DCAF6: variants seen among roughly 807,000 people sequenced by gnomAD.
DCAF6 encodes DDB1- and CUL4-associated factor 6.
A neutral mutation model predicts 125.1 loss-of-function variants in DCAF6; 54 were observed. The ratio of observed to expected loss-of-function variants is 0.43; its 90% CI spans 0.35 to 0.54. The LOEUF is 0.54. Ranked by LOEUF, DCAF6 falls within the 20% of genes least tolerant of loss-of-function variation. The probability of loss-of-function intolerance (pLI) is 0.01; values close to 1 mark genes in which losing one functional copy is unlikely to be tolerated. For missense variants in DCAF6, 934 were observed against 1,161.7 expected (o/e 0.80, Z 2.85); for synonymous variants, 371 against 390.4 (o/e 0.95, Z 0.58).
chr1:168,028,725 A>G (rs1686666593), intron 12 of DCAF6, among the ~76,000 whole-genome samples: 1 of 152,204 alleles, frequency 6.6e-6, no homozygotes, highest in African/African-American at 2.4e-5. Context: ...TGGACCTGCC[A>G]TGCATTAAAT....
intron 10 of DCAF6, among the ~76,000 whole-genome samples, chr1:168,009,887 T>C (rs1684048858): frequency 6.6e-6 from 1 of 152,052 alleles, no homozygotes; most frequent in Non-Finnish European, 1.5e-5. Flanking sequence ...GGATATTGTC[T>C]ATCTTGTTGT....
chr1:167,876,053 T>C, the DCAF6 span, among the ~76,000 whole-genome samples: 1 of 152,088 alleles, frequency 6.6e-6, no homozygotes, highest in African/African-American at 2.4e-5. Flanking sequence ...GGTCAGGAGT[T>C]TGAGACCAGC....
intron 11 of DCAF6, 41 bp downstream of exon 11, chr1:168,015,992 T>A (rs765117966): frequency 9.4e-5 from 131 of 1,396,304 alleles, no homozygotes; most frequent in Non-Finnish European, 1.9e-6. Flanking sequence ...GATAGAATTG[T>A]TTTTTAATAC....
At position 168,066,803 on chromosome 1, in the gene DCAF6, CTG is replaced by C. The variant is rs774672203; in HGVS notation, c.2685+340_2685+341del. On this transcript the variant is annotated intron_variant, in intron 20 of 21. Transcript: ENST00000367840. The stretch of plus-strand genomic sequence containing the variant: ...TTTTAAGAAAATAATTTTATTATAA[CTG>C]TTTCTCCAAAAGCCTAGCAATTTTT... Among the ~76,000 whole-genome samples the C allele has an allele frequency of 2.1e-3, 313 of 152,218 alleles. 2 individuals carry two copies. Among genetic ancestry groups the C allele is most frequent in the Non-Finnish European group, 8.4e-4 (57 of 68,002 alleles).
At chr1:167,975,074 A>C in intron 4 of DCAF6, 59 bp downstream of exon 4, 1 of 1,164,752 alleles carries the variant, frequency 8.6e-7, no homozygotes, top group African/African-American at 1.6e-5. Context: ...TTGATTAAGT[A>C]CATACATGTG....
intron 5 of DCAF6, among the ~76,000 whole-genome samples, chr1:167,988,344 A>G (rs1243790664): frequency 6.6e-6 from 1 of 151,750 alleles, no homozygotes; most frequent in African/African-American, 2.4e-5. Context: ...TTTTATTTGT[A>G]GTAGATAGGA....
At chr1:167,891,751 A>G in the DCAF6 span, among the ~76,000 whole-genome samples, 2 of 152,066 alleles carry the variant, frequency 1.3e-5, no homozygotes, top group African/African-American at 4.8e-5. Context: ...TAGCAAATCA[A>G]TGGGGGAAAA....
intron 4 of DCAF6, 22 bp from the exon 5 acceptor site, chr1:167,987,473 G>T (rs1334969354): frequency 1.8e-6 from 2 of 1,118,124 alleles, no homozygotes; most frequent in Non-Finnish European, 2.7e-6. Flanking sequence ...ATGATTATCT[G>T]CACTTTTCTT....
upstream of DCAF6, among the ~76,000 whole-genome samples, chr1:167,932,808 C>CAAAAAAAAAAAAAAAAAAAA (rs965449372): frequency 3.6e-5 from 2 of 54,966 alleles, no homozygotes; most frequent in Admixed American, 1.8e-4. Flanking sequence ...GACTCTGTCT[C>CAAAAAAAAAAAAAAAAAAAA]AAAAAAAAAA....
At chr1:168,038,604 A>C (rs1572049909) in intron 13 of DCAF6, 116 bp downstream of exon 13, 4 of 678,624 alleles carry the variant, frequency 5.9e-6, no homozygotes, top group Non-Finnish European at 7.2e-6. Context: ...ATTGGTTTTC[A>C]AACTTGAGTG....
chr1:167,935,644 A>T, upstream of DCAF6: 1 of 1,085,406 alleles, frequency 9.2e-7, no homozygotes, highest in Non-Finnish European at 1.4e-6. Context: ...GGATGCCTCT[A>T]GAGGCAGTTG....
chr1:168,051,955 A>G (rs948209151), intron 17 of DCAF6, among the ~76,000 whole-genome samples: 2 of 149,946 alleles, frequency 1.3e-5, no homozygotes, highest in African/African-American at 4.9e-5. Context: ...GTCCCAGCCC[A>G]CTACAACCTC....
chr1:167,991,420 CTTGT>C (rs1228419598), intron 6 of DCAF6, 81 bp downstream of exon 6: 58 of 1,356,974 alleles, frequency 4.3e-5, no homozygotes, highest in Middle Eastern at 2.1e-4. Context: ...TTTAAAATTT[CTTGT>C]TTGTTATAAA....
chr1:168,074,837 C>G (rs1439551417), intron 21 of DCAF6, among the ~76,000 whole-genome samples: 1 of 152,190 alleles, frequency 6.6e-6, no homozygotes, highest in African/African-American at 2.4e-5. Flanking sequence ...ATACTGTACT[C>G]ACCAGTTTGT....
At chr1:167,881,800 G>A in the DCAF6 span, among the ~76,000 whole-genome samples, 1 of 152,240 alleles carries the variant, frequency 6.6e-6, no homozygotes, top group Non-Finnish European at 1.5e-5. Context: ...AGCCATGTCT[G>A]CAAGACACGA....
chr1:167,878,504 T>A, the DCAF6 span: 1 of 1,614,186 alleles, frequency 6.2e-7, no homozygotes, highest in South Asian at 1.1e-5. Flanking sequence ...ACACCTTTCA[T>A]AACTTTCTTT....
intron 10 of DCAF6, among the ~76,000 whole-genome samples, chr1:168,007,619 CCTT>C (rs1408461567): frequency 1.3e-5 from 2 of 152,168 alleles, no homozygotes; most frequent in Non-Finnish European, 2.9e-5. Flanking sequence ...GGCTGTCACT[CCTT>C]CTTGAAACAC....
chr1:168,045,682 T>C (rs1689077843), intron 16 of DCAF6, among the ~76,000 whole-genome samples: 1 of 152,202 alleles, frequency 6.6e-6, no homozygotes. Context: ...ACACTGTTTT[T>C]CTTTGATTTC....
At chr1:167,953,561 T>C (rs1178093080) in intron 2 of DCAF6, among the ~76,000 whole-genome samples, 1 of 152,236 alleles carries the variant, frequency 6.6e-6, no homozygotes, top group African/African-American at 2.4e-5. Context: ...TTATGAATTA[T>C]TCATTGATGA....
Sources: gnomAD v4.1 joint callset for allele counts (sites outside exome capture counted in the v4.1 genomes callset) on GRCh38, gnomAD v4.1.1 for gene constraint, MANE v1.5 for transcripts, NCBI Gene and HGNC (gene_info 2026-07-23, HGNC 2026-07-21) for gene names.